Variants in SIPA1L1 observed in about 807,000 individuals in gnomAD.
SIPA1L1 encodes the protein signal induced proliferation associated 1 like 1.
A neutral mutation model predicts 162.7 loss-of-function variants in SIPA1L1; 26 were observed. The ratio of observed to expected loss-of-function variants is 0.16; its 90% CI spans 0.12 to 0.22. The LOEUF (loss-of-function observed/expected upper bound fraction) is 0.22. Ranked by LOEUF, SIPA1L1 falls within the 10% of genes least tolerant of loss-of-function variation. The probability of loss-of-function intolerance (pLI) is 1.00; values close to 1 mark genes in which losing one functional copy is unlikely to be tolerated. For missense variants in SIPA1L1, 1,874 were observed against 2,241.0 expected (o/e 0.84, Z 3.31); for synonymous variants, 829 against 837.4 (o/e 0.99, Z 0.17).
intron 4 of SIPA1L1, among the ~76,000 whole-genome samples, chr14:71,581,388 T>C (rs112994548): frequency 0.02 from 3,028 of 152,308 alleles, 51 homozygotes; most frequent in Non-Finnish European, 0.032. Flanking sequence ...CAAGGTGATA[T>C]ATACAGTGTA....
chr14:71,694,670 G>A (rs1229027833), intron 13 of SIPA1L1, among the ~76,000 whole-genome samples: 1 of 152,158 alleles, frequency 6.6e-6, no homozygotes, highest in East Asian at 1.9e-4. Context: ...AGTGACCAGA[G>A]CATTCTTTAA....
intron 2 of SIPA1L1, among the ~76,000 whole-genome samples, chr14:71,420,495 T>A (rs2043107133): frequency 6.6e-6 from 1 of 152,236 alleles, no homozygotes; most frequent in Admixed American, 6.5e-5. Context: ...ATCTTGGATG[T>A]TCTTAATGGC....
chr14:71,432,146 C>T (rs2044036669), intron 2 of SIPA1L1, among the ~76,000 whole-genome samples: 2 of 152,060 alleles, frequency 1.3e-5, no homozygotes, highest in South Asian at 4.2e-4. Context: ...GTGATCACAG[C>T]TCACTGCAGC....
intron 2 of SIPA1L1, among the ~76,000 whole-genome samples, chr14:71,423,493 A>G (rs1219161157): frequency 2.0e-5 from 3 of 152,036 alleles, no homozygotes; most frequent in Admixed American, 6.6e-5. Context: ...ATTTGAGTTA[A>G]TTTTTGTAAG....
Position 71,342,459 on chromosome 14 carries a change from C to G in SIPA1L1, c.-465+21278C>G, listed in dbSNP as rs537148587. Among the ~76,000 whole-genome samples, 7 of 152,136 alleles carry G rather than the reference C, an allele frequency of 4.6e-5. No individual in the cohort carries two copies. In the East Asian group the frequency reaches 1.4e-3, roughly 29 times the overall value. ...TTCCCACCAACAGTGTATAAGAGTC[C>G]CCTAGAAATATACAGATTTTTAAAG... On this transcript the variant is annotated intron_variant, in intron 2 of 23. Transcript: ENST00000381232.
chr14:71,581,715 T>C (rs565814537), intron 4 of SIPA1L1, among the ~76,000 whole-genome samples: 15 of 152,348 alleles, frequency 9.8e-5, no homozygotes, highest in African/African-American at 3.1e-4. Flanking sequence ...CGGTCTCATC[T>C]GGTCTCTTGC....
chr14:71,351,260 T>A (rs564000920), intron 2 of SIPA1L1, among the ~76,000 whole-genome samples: 1 of 152,230 alleles, frequency 6.6e-6, no homozygotes, highest in South Asian at 2.1e-4. Context: ...CTAAAAAGTC[T>A]CTTTAGGGGT....
chr14:71,583,633 A>G (rs891310797), intron 4 of SIPA1L1, among the ~76,000 whole-genome samples: 1 of 151,772 alleles, frequency 6.6e-6, no homozygotes, highest in African/African-American at 2.4e-5. Context: ...CTTTCATTCT[A>G]TTCCTTGAAT....
chr14:71,330,867 G>A (rs1014276848), intron 2 of SIPA1L1: 24 of 568,286 alleles, frequency 4.2e-5, no homozygotes, highest in Non-Finnish European at 7.4e-5. Flanking sequence ...TTCCACTCCA[G>A]GTTGCTTTTT....
At position 71,741,058 on chromosome 14, in the gene SIPA1L1, T is replaced by C. The variant is rs2085710362; in HGVS notation, c.*1897T>C. On this transcript the variant is annotated 3_prime_UTR_variant, in exon 24 of 24. Transcript: ENST00000381232. ...GCTCTTTTAAAACACTTTGGTATTA[T>C]TGCTTGAGGTTTGCTTATTTGAAAG... 6.6e-6 allele frequency: 1 copy of C among 152,250 alleles called. No individual in the cohort carries two copies. The highest frequency in any genetic ancestry group is 1.5e-5 in the Non-Finnish European group (1 of 68,038). The allele number at this position is 152,250 out of a possible 1,614,324, so 9.4% of individuals were successfully genotyped here.
At chr14:71,581,966 A>T (rs374839067) in intron 4 of SIPA1L1, among the ~76,000 whole-genome samples, 1 of 152,188 alleles carries the variant, frequency 6.6e-6, no homozygotes, top group East Asian at 1.9e-4. Context: ...GAGATTAGTC[A>T]TATTTAAATG....
Position 71,740,762 on chromosome 14 carries a change from T to G in SIPA1L1, c.*1601T>G, listed in dbSNP as rs2085692765. On this transcript the variant is annotated 3_prime_UTR_variant, in exon 24 of 24. Coordinates refer to ENST00000381232, the MANE Select transcript of SIPA1L1 (RefSeq NM_001386936.1). Reference sequence around the variant, plus strand: ...TGGAAATAGGAAGATTTCGGAGTGCTTTGTGAAGATTTCAATTGTCTGTCT... The same window carrying G: ...TGGAAATAGGAAGATTTCGGAGTGCGTTGTGAAGATTTCAATTGTCTGTCT... 1 of 152,252 alleles carries G rather than the reference T, an allele frequency of 6.6e-6. No homozygotes were observed. The highest frequency in any genetic ancestry group is 2.4e-5 in the African/African-American group (1 of 41,466). 9.4% of individuals were successfully genotyped at this position (152,252 alleles called of 1,614,324 possible). A position where few individuals can be genotyped will look rare whatever the true frequency, so the allele number is the denominator to read the frequency against.
chr14:71,539,347 G>A (rs2054178316), intron 4 of SIPA1L1, among the ~76,000 whole-genome samples: 1 of 152,146 alleles, frequency 6.6e-6, no homozygotes, highest in African/African-American at 2.4e-5. Flanking sequence ...GATCTCCATT[G>A]GTGAAATGGC....
intron 2 of SIPA1L1, among the ~76,000 whole-genome samples, chr14:71,373,237 G>T (rs1296505501): frequency 6.6e-6 from 1 of 151,720 alleles, no homozygotes; most frequent in South Asian, 2.1e-4. Context: ...CTTGAACCCG[G>T]GAGGTGGAGG....
chr14:71,702,699 C>T (rs764380118), intron 15 of SIPA1L1, among the ~76,000 whole-genome samples, 194 bp downstream of exon 15: 1 of 151,878 alleles, frequency 6.6e-6, no homozygotes, highest in Non-Finnish European at 1.5e-5. Context: ...TCTAAGTGAC[C>T]CCAAATTCAA....
chr14:71,590,021 TAAAAAAAAAAAAAA>T (rs200463823), intron 5 of SIPA1L1, among the ~76,000 whole-genome samples: 3 of 85,112 alleles, frequency 3.5e-5, no homozygotes, highest in South Asian at 3.5e-4. Context: ...AGTGGGAGAG[TAAAAAAAAAAAAAA>T]AAAAAAAAAA....
intron 2 of SIPA1L1, among the ~76,000 whole-genome samples, chr14:71,372,894 T>G (rs954053378): frequency 3.9e-5 from 6 of 152,158 alleles, no homozygotes; most frequent in Non-Finnish European, 5.9e-5. Flanking sequence ...CCCTTGAGTG[T>G]TTTCTTAGGT....
At chr14:71,403,624 ATCTT>A (rs1350992754) in intron 2 of SIPA1L1, among the ~76,000 whole-genome samples, 34 of 147,000 alleles carry the variant, frequency 2.3e-4, no homozygotes, top group African/African-American at 8.3e-4. Context: ...AAAAAAAAAA[ATCTT>A]AATCATATTG....
At chr14:71,606,497 G>A (rs1278882062) in intron 5 of SIPA1L1, among the ~76,000 whole-genome samples, 1 of 152,144 alleles carries the variant, frequency 6.6e-6, no homozygotes, top group Non-Finnish European at 1.5e-5. Flanking sequence ...GTGTCATTAT[G>A]CATGCTGTAG....
Sources: allele counts gnomAD v4.1 joint callset (sites outside exome capture counted in the v4.1 genomes callset), GRCh38; gene constraint gnomAD v4.1.1; transcripts MANE v1.5; gene names NCBI Gene and HGNC (gene_info 2026-07-23, HGNC 2026-07-21).